Variants in RPS6KA5 observed in about 807,000 individuals in gnomAD.
The protein encoded by RPS6KA5 is ribosomal protein S6 kinase A5.
In RPS6KA5, 27 loss-of-function variants were observed where a neutral mutation model predicts 85.5. The ratio of observed to expected loss-of-function variants is 0.32; its 90% CI spans 0.23 to 0.44. The LOEUF is 0.44. Among genes scored for constraint, RPS6KA5 ranks in the 20% least tolerant of loss-of-function variants. The pLI is 1.00. For synonymous variants in RPS6KA5, 334 were observed against 348.2 expected (o/e 0.96, Z 0.46); for missense variants, 811 against 980.9 (o/e 0.83, Z 2.31).
chr14:90,886,107 TTATA>T (rs2140178814), intron 14 of RPS6KA5, among the ~76,000 whole-genome samples: 1 of 152,150 alleles, frequency 6.6e-6, no homozygotes, highest in African/African-American at 2.4e-5. Context: ...CATATATGTA[TTATA>T]TATACTCATA....
intron 5 of RPS6KA5, among the ~76,000 whole-genome samples, chr14:90,933,868 C>A (rs1215272978): frequency 2.0e-5 from 3 of 152,174 alleles, no homozygotes; most frequent in African/African-American, 7.2e-5. Context: ...CATTCCATAA[C>A]CCCACCTTAA....
chr14:90,923,325 G>A, intron 5 of RPS6KA5, 129 bp from the exon 6 acceptor site: 1 of 695,626 alleles, frequency 1.4e-6, no homozygotes, highest in Non-Finnish European at 2.5e-6. Flanking sequence ...CTACTTGACA[G>A]ACCCACTCTT....
chr14:91,060,459 G>T lies in RPS6KA5; in HGVS notation c.-25C>A. On this transcript the variant is annotated 5_prime_UTR_variant, in exon 1 of 17. Transcript: ENST00000614987. ...TCTTCTCCTTTTTTTCCGATCCCGCGGGTCGCTACGAGGGGAACCCAGGAG... is the reference window on the plus strand; with the variant it reads ...TCTTCTCCTTTTTTTCCGATCCCGCTGGTCGCTACGAGGGGAACCCAGGAG... 1 of 1,416,860 alleles carries T rather than the reference G, an allele frequency of 7.1e-7. No individual in the cohort carries two copies. The highest frequency in any genetic ancestry group is 9.3e-7 in the Non-Finnish European group (1 of 1,071,352). The allele number at this position is 1,416,860 out of a possible 1,614,324, so 87.8% of individuals were successfully genotyped here.
intron 1 of RPS6KA5, among the ~76,000 whole-genome samples, chr14:91,027,527 G>C (rs113108748): frequency 1.3e-5 from 2 of 152,044 alleles, no homozygotes; most frequent in Admixed American, 1.3e-4. Flanking sequence ...AAAAAATTCT[G>C]AGAGGCTTCA....
At chr14:90,912,123 G>C (rs2035859115) in intron 7 of RPS6KA5, among the ~76,000 whole-genome samples, 1 of 152,084 alleles carries the variant, frequency 6.6e-6, no homozygotes, top group South Asian at 2.1e-4. Flanking sequence ...AAAGCACTCA[G>C]ACATTTGTCA....
intron 7 of RPS6KA5, among the ~76,000 whole-genome samples, chr14:90,908,782 T>A (rs771521099): frequency 3.9e-5 from 6 of 152,214 alleles, no homozygotes; most frequent in Admixed American, 1.3e-4. Flanking sequence ...AAGCTCCTCC[T>A]GGAAGTGAGC....
intron 1 of RPS6KA5, among the ~76,000 whole-genome samples, chr14:91,042,467 C>T (rs527936020): frequency 1.8e-4 from 28 of 151,796 alleles, no homozygotes; most frequent in Non-Finnish European, 3.8e-4. Context: ...GCTGAGATCG[C>T]ACCACCGCAC....
At chr14:91,013,629 G>C (rs971337881) in intron 1 of RPS6KA5, among the ~76,000 whole-genome samples, 1 of 152,216 alleles carries the variant, frequency 6.6e-6, no homozygotes, top group South Asian at 2.1e-4. Flanking sequence ...GCTCACAAAA[G>C]AATCTGTGTT....
chr14:91,002,198 C>T (rs1315682499), intron 1 of RPS6KA5, among the ~76,000 whole-genome samples: 1 of 152,056 alleles, frequency 6.6e-6, no homozygotes, highest in African/African-American at 2.4e-5. Flanking sequence ...CATAAAAACA[C>T]CTATCCTCAA....
intron 3 of RPS6KA5, among the ~76,000 whole-genome samples, chr14:90,949,831 G>A (rs1200311224): frequency 2.0e-5 from 3 of 152,254 alleles, no homozygotes; most frequent in East Asian, 1.9e-4. Context: ...GGGAGATTGC[G>A]AAAAAGTAAC....
rs2032388377 is a variant in RPS6KA5, at chr14:90,858,442, G to A, written c.*13632C>T. On this transcript the variant is annotated 3_prime_UTR_variant, in exon 17 of 17. Transcript: ENST00000614987. ...CAGCGATCGAGAATTATTATACTTT[G>A]TAAATGGAAATACCACTACTAAGAA... is the stretch of plus-strand genomic sequence containing the variant. 1 of 152,108 alleles carries A rather than the reference G, an allele frequency of 6.6e-6. No individual in the cohort carries two copies. The highest frequency in any genetic ancestry group is 6.5e-5 in the Admixed American group (1 of 15,272). The allele number at this position is 152,108 out of a possible 1,614,324, so 9.4% of individuals were successfully genotyped here. A position where few individuals can be genotyped will look rare whatever the true frequency, so the allele number is the denominator to read the frequency against.
intron 1 of RPS6KA5, among the ~76,000 whole-genome samples, chr14:91,040,637 C>T (rs1461472390): frequency 1.3e-5 from 2 of 151,916 alleles, no homozygotes; most frequent in Non-Finnish European, 2.9e-5. Flanking sequence ...CATTTGCTTT[C>T]CCAGGAAGAA....
intron 1 of RPS6KA5, 173 bp downstream of exon 1, chr14:91,060,159 C>A: frequency 2.2e-5 from 22 of 979,616 alleles, no homozygotes; most frequent in Non-Finnish European, 2.7e-5. Flanking sequence ...CCAAGGCGCG[C>A]CCCCACCTCC....
rs2034707392 is a variant in RPS6KA5 at position 90,894,167 on chromosome 14, A to T, written c.1644+246T>A. ...CTGTTGCATAAAGTATTTTTTCCATAAAAGGTTCTCACACTTACAAATATA... is the reference window on the plus strand; with the variant it reads ...CTGTTGCATAAAGTATTTTTTCCATTAAAGGTTCTCACACTTACAAATATA... On this transcript the variant is annotated intron_variant, in intron 13 of 16. Transcript: ENST00000614987. 2.7e-6 allele frequency: 3 copies of T among 1,132,076 alleles called. No homozygotes were observed. The African/African-American group carries it at 4.8e-5, about 18-fold the overall frequency. 70.1% of individuals were successfully genotyped at this position (1,132,076 alleles called of 1,614,324 possible). A position where few individuals can be genotyped will look rare whatever the true frequency, so the allele number is the denominator to read the frequency against.
At chr14:90,935,526 A>G (rs1344851110) in intron 5 of RPS6KA5, among the ~76,000 whole-genome samples, 1 of 152,206 alleles carries the variant, frequency 6.6e-6, no homozygotes, top group African/African-American at 2.4e-5. Flanking sequence ...GAGGTTAATG[A>G]CGAAGTGACT....
chr14:90,957,986 A>C lies in RPS6KA5; in HGVS notation c.395-10436T>G, dbSNP rs1595336777. On this transcript the variant is annotated intron_variant, in intron 3 of 16. Transcript: ENST00000614987. ...GCCAGACCTCTTCCCTAGAAAAAAA[A>C]TAAAAATAAAAAATAAAAATAGCCA... Among the ~76,000 whole-genome samples the C allele has an allele frequency of 3.9e-5, 6 of 152,186 alleles. No individual in the cohort carries two copies. In the South Asian group the frequency reaches 1.2e-3, roughly 32 times the overall value.
chr14:90,917,305 C>T (rs1254967116), intron 7 of RPS6KA5, among the ~76,000 whole-genome samples: 1 of 152,166 alleles, frequency 6.6e-6, no homozygotes, highest in Non-Finnish European at 1.5e-5. Context: ...AGTGAGAAAT[C>T]ATTTACTTCC....
chr14:90,949,802 G>T (rs1348924572), intron 3 of RPS6KA5, among the ~76,000 whole-genome samples: 2 of 152,272 alleles, frequency 1.3e-5, no homozygotes, highest in East Asian at 3.9e-4. Context: ...GGGACAAAGT[G>T]CTTTATTTTC....
intron 1 of RPS6KA5, among the ~76,000 whole-genome samples, chr14:91,025,199 C>T (rs1012028085): frequency 1.5e-4 from 23 of 152,284 alleles, no homozygotes; most frequent in African/African-American, 5.1e-4. Flanking sequence ...CGCCTGCCAC[C>T]ATGCTCGGCT....
Sources: allele counts gnomAD v4.1 joint callset (sites outside exome capture counted in the v4.1 genomes callset), GRCh38; gene constraint gnomAD v4.1.1; transcripts MANE v1.5; gene names NCBI Gene and HGNC (gene_info 2026-07-23, HGNC 2026-07-21).